RRH: variants seen among roughly 807,000 people sequenced by gnomAD.
RRH encodes visual pigment-like receptor peropsin.
Under a neutral mutation model 33.1 loss-of-function variants are expected in RRH, and 36 were observed. The ratio of observed to expected loss-of-function variants is 1.09; its 90% CI spans 0.83 to 1.44. RRH has a LOEUF of 1.44. RRH is among the 40% of genes most tolerant of loss of function. RRH has a pLI of 0.00. For missense variants in RRH, 393 were observed against 420.2 expected (o/e 0.94, Z 0.57); for synonymous variants, 124 against 140.2 (o/e 0.88, Z 0.82).
chr4:109,831,490 T>C (rs1733749440), intron 1 of RRH, among the ~76,000 whole-genome samples: 1 of 152,134 alleles, frequency 6.6e-6, no homozygotes, highest in Non-Finnish European at 1.5e-5. Flanking sequence ...AGTTAAATTA[T>C]ATAGTGTTAC....
chr4:109,840,567 C>T (rs1460933021), intron 5 of RRH, among the ~76,000 whole-genome samples: 1 of 152,002 alleles, frequency 6.6e-6, no homozygotes, highest in African/African-American at 2.4e-5. Context: ...AATGGTATTG[C>T]CTGGGTTCTC....
At chr4:109,838,082 T>G (rs914195064) in intron 5 of RRH, among the ~76,000 whole-genome samples, 1 of 152,188 alleles carries the variant, frequency 6.6e-6, no homozygotes, top group Non-Finnish European at 1.5e-5. Context: ...GCCTGGCCAC[T>G]TGCCTTCTTA....
At chr4:109,834,510 A>ATTT (rs35857159) in intron 2 of RRH, among the ~76,000 whole-genome samples, 2 of 124,278 alleles carry the variant, frequency 1.6e-5, no homozygotes, top group South Asian at 2.6e-4. Flanking sequence ...TTTTTTTTGT[A>ATTT]TTTTTTTTTT....
intron 2 of RRH, 100 bp from the exon 3 acceptor site, chr4:109,835,266 C>T (rs571476301): frequency 2.6e-6 from 2 of 764,396 alleles, no homozygotes; most frequent in African/African-American, 3.5e-5. Flanking sequence ...AAGTAAAAAA[C>T]CTTTAGTATA....
intron 5 of RRH, among the ~76,000 whole-genome samples, chr4:109,839,550 A>G (rs10470994): frequency 0.049 from 7,377 of 150,284 alleles, 559 homozygotes; most frequent in African/African-American, 0.16. Context: ...TTTGCTGCAC[A>G]GACTATCCAG....
rs1425067863 is a variant in RRH at position 109,838,058 on chromosome 4, G to A, written c.720+453G>A. On this transcript the variant is annotated intron_variant, in intron 5 of 6. Coordinates refer to ENST00000317735, the MANE Select transcript of RRH (RefSeq NM_006583.5). ...GCCTCCCAAAATGCTGGGATTACAG[G>A]TGTGAGCCAATGCGCCTGGCCACTT... Among the ~76,000 whole-genome samples the A allele has an allele frequency of 9.9e-5, 15 of 152,194 alleles. 1 individual carries two copies. The highest frequency in any genetic ancestry group is 9.8e-4 in the Admixed American group (15 of 15,278).
rs145630624 is a variant in RRH at position 109,842,569 on chromosome 4, C to G, written c.821C>G (p.Pro274Arg). The change falls in exon 6 of 7, where the codon CCC becomes CGC. Residue 274 changes from proline (P) to arginine (R), a missense_variant. Coordinates refer to ENST00000317735, the MANE Select transcript of RRH (RefSeq NM_006583.5). ...SFGDPKKIPPPMAIIAPLFAK... is the reference protein window; with the variant it reads ...SFGDPKKIPPRMAIIAPLFAK... ...GGTGACCCAAAGAAGATTCCTCCCCCCATGGCCATCATAGCTCCACTGTTT... is the reference window on the plus strand; with the variant it reads ...GGTGACCCAAAGAAGATTCCTCCCCGCATGGCCATCATAGCTCCACTGTTT... 649 of 1,614,030 alleles carry G rather than the reference C, an allele frequency of 4.0e-4. No homozygotes were observed. The highest frequency in any genetic ancestry group is 2.9e-3 in the African/African-American group (217 of 75,028).
In RRH at chr4:109,844,199, A is replaced by G; in HGVS notation, c.*2A>G. 2 of 1,578,902 alleles carry G rather than the reference A, an allele frequency of 1.3e-6. No individual in the cohort carries two copies. Among genetic ancestry groups the G allele is most frequent in the Non-Finnish European group, 1.7e-6 (2 of 1,147,910 alleles). On this transcript the variant is annotated 3_prime_UTR_variant, in exon 7 of 7. Coordinates refer to ENST00000317735, the MANE Select transcript of RRH (RefSeq NM_006583.5). The stretch of plus-strand genomic sequence containing the variant: ...CCATTGGCTTCTGGAAGAATCTGAA[A>G]TAAGATAAAAGGACACACTATCAAA...
intron 1 of RRH, among the ~76,000 whole-genome samples, chr4:109,832,281 A>G (rs1287143087): frequency 4.0e-5 from 6 of 150,026 alleles, no homozygotes; most frequent in African/African-American, 1.5e-4. Flanking sequence ...TCAGTGTAAA[A>G]TAAAACAGTG....
intron 5 of RRH, among the ~76,000 whole-genome samples, chr4:109,839,833 C>T (rs1299630804): frequency 6.6e-6 from 1 of 152,164 alleles, no homozygotes; most frequent in Middle Eastern, 3.2e-3. Flanking sequence ...TGTATATGTA[C>T]CACATTTTCT....
intron 2 of RRH, among the ~76,000 whole-genome samples, chr4:109,834,397 T>C (rs1733833785): frequency 6.7e-6 from 1 of 150,156 alleles, no homozygotes; most frequent in African/African-American, 2.4e-5. Context: ...TGGCGTGATC[T>C]CCGCTCACTG....
At chr4:109,829,274 G>A (rs144221535) in intron 1 of RRH, among the ~76,000 whole-genome samples, 48 of 151,982 alleles carry the variant, frequency 3.2e-4, no homozygotes, top group African/African-American at 4.6e-4. Context: ...ACGTTATCTC[G>A]TTCATTTGAA....
chr4:109,842,403 AC>A, intron 5 of RRH, 65 bp from the exon 6 acceptor site: 1 of 1,419,016 alleles, frequency 7.0e-7, no homozygotes, highest in Non-Finnish European at 9.8e-7. Flanking sequence ...TTTTTACCCA[AC>A]TTTAGATATA....
rs1426135907 is a variant in RRH at position 109,835,356 on chromosome 4, T to C, written c.298-10T>C. 6.3e-7 allele frequency: 1 copy of C among 1,596,866 alleles called. No individual in the cohort carries two copies. Among genetic ancestry groups the C allele is most frequent in the Admixed American group, 1.7e-5 (1 of 59,988 alleles). The stretch of plus-strand genomic sequence containing the variant: ...TAGAATGGTAGAGTCTTTTCAATTT[T>C]GGTTTTCAGGTTTATGCTGGATTGA... On this transcript the variant is annotated splice_polypyrimidine_tract_variant and intron_variant, in intron 2 of 6. Coordinates refer to ENST00000317735, the MANE Select transcript of RRH (RefSeq NM_006583.5).
rs1410940420 is a variant in RRH at position 109,837,527 on chromosome 4, A to G, written c.642A>G (p.Leu214=). The change falls in exon 5 of 7, where the codon CTA becomes CTG. Residue 214 remains leucine, a synonymous_variant. Transcript: ENST00000317735. ...TTTACTGCTATTACCATGTCACGCTATCCATTAAACATCACACTACCAGTG... is the reference window on the plus strand; with the variant it reads ...TTTACTGCTATTACCATGTCACGCTGTCCATTAAACATCACACTACCAGTG... The part of the protein sequence containing the change: ...VMFYCYYHVT[L]SIKHHTTSDC... The G allele has an allele frequency of 1.9e-6, 3 of 1,613,680 alleles. No homozygotes were observed. Among genetic ancestry groups the G allele is most frequent in the Admixed American group, 1.7e-5 (1 of 60,018 alleles).
Position 109,844,214 on chromosome 4 carries a change from A to C in RRH, c.*17A>C. The stretch of plus-strand genomic sequence containing the variant: ...AGAATCTGAAATAAGATAAAAGGAC[A>C]CACTATCAAAACACTTTAGTTTTTT... On this transcript the variant is annotated 3_prime_UTR_variant, in exon 7 of 7. Coordinates refer to ENST00000317735, the MANE Select transcript of RRH (RefSeq NM_006583.5). 6.7e-7 allele frequency: 1 copy of C among 1,499,482 alleles called. No individual in the cohort carries two copies. Among genetic ancestry groups the C allele is most frequent in the East Asian group, 2.3e-5 (1 of 44,290 alleles). 92.9% of individuals were successfully genotyped at this position (1,499,482 alleles called of 1,614,324 possible).
At chr4:109,831,596 G>C (rs28659909) in intron 1 of RRH, among the ~76,000 whole-genome samples, 5,586 of 152,140 alleles carry the variant, frequency 0.037, 332 homozygotes, top group African/African-American at 0.12. Flanking sequence ...ACTGAAGTTT[G>C]AAGGATGGAT....
At chr4:109,842,784 A>G (rs1734010040) in intron 6 of RRH, 137 bp downstream of exon 6, 11 of 750,180 alleles carry the variant, frequency 1.5e-5, no homozygotes, top group Admixed American at 1.3e-4. Context: ...CTGGAGCAGC[A>G]TCTAGGACCT....
intron 1 of RRH, among the ~76,000 whole-genome samples, chr4:109,829,156 A>G (rs1442789765): frequency 7.7e-6 from 1 of 129,818 alleles, no homozygotes; most frequent in East Asian, 2.2e-4. Context: ...AGTATAACAC[A>G]CCATCCTATA....
Sources: gnomAD v4.1 joint callset for allele counts (sites outside exome capture counted in the v4.1 genomes callset) on GRCh38, gnomAD v4.1.1 for gene constraint, MANE v1.5 for transcripts, NCBI Gene and HGNC (gene_info 2026-07-23, HGNC 2026-07-21) for gene names.